PLEKHG1: variants seen among roughly 807,000 people sequenced by gnomAD.
PLEKHG1 encodes pleckstrin homology domain-containing family G member 1.
A neutral mutation model predicts 100.8 loss-of-function variants in PLEKHG1; 44 were observed. The ratio of observed to expected loss-of-function variants is 0.44; its 90% CI spans 0.34 to 0.56. PLEKHG1 has a LOEUF of 0.56. Among genes scored for constraint, PLEKHG1 ranks in the 20% least tolerant of loss-of-function variants. The pLI is 0.01. For missense variants in PLEKHG1, 1,545 were observed against 1,720.9 expected (o/e 0.90, Z 1.81); for synonymous variants, 640 against 662.5 (o/e 0.97, Z 0.52).
intron 3 of PLEKHG1, among the ~76,000 whole-genome samples, chr6:150,666,830 G>A (rs1433976847): frequency 2.0e-5 from 3 of 150,508 alleles, no homozygotes; most frequent in Non-Finnish European, 2.9e-5. Context: ...GCGCAATCTC[G>A]GCTCACTGCA....
chr6:150,756,279 G>A (rs185647145), intron 2 of PLEKHG1, among the ~76,000 whole-genome samples: 2 of 152,164 alleles, frequency 1.3e-5, no homozygotes, highest in East Asian at 3.9e-4. Context: ...CGGTGCCTCT[G>A]CCTGCTCCCC....
intron 4 of PLEKHG1, among the ~76,000 whole-genome samples, chr6:150,791,848 T>A (rs1786002695): frequency 1.3e-5 from 2 of 152,146 alleles, no homozygotes; most frequent in Non-Finnish European, 2.9e-5. Flanking sequence ...AACCATGCAG[T>A]AGGAATTTCA....
intron 14 of PLEKHG1, 124 bp from the exon 16 acceptor site, chr6:150,830,458 G>GA (rs1021115554): frequency 4.2e-6 from 3 of 708,696 alleles, no homozygotes; most frequent in Non-Finnish European, 2.3e-6. Flanking sequence ...CCCTATCTCA[G>GA]AAAAAAATAA....
intron 5 of PLEKHG1, among the ~76,000 whole-genome samples, chr6:150,799,054 TAA>T (rs80085174): frequency 1.4e-5 from 2 of 144,998 alleles, no homozygotes; most frequent in Non-Finnish European, 3.0e-5. Flanking sequence ...AAGTTGTCTT[TAA>T]AAAAAAAAAA....
intron 1 of PLEKHG1, among the ~76,000 whole-genome samples, chr6:150,733,125 G>A (rs1782358293): frequency 6.6e-6 from 1 of 152,190 alleles, no homozygotes; most frequent in Non-Finnish European, 1.5e-5. Flanking sequence ...AAATTCCGTA[G>A]GAATCACGTC....
intron 3 of PLEKHG1, among the ~76,000 whole-genome samples, chr6:150,711,135 G>A (rs1392254491): frequency 6.6e-6 from 1 of 152,128 alleles, no homozygotes; most frequent in Non-Finnish European, 1.5e-5. Flanking sequence ...ATAGTAAGTT[G>A]GCATGAGGAC....
chr6:150,779,344 G>GTTAGTTTTTTTTTTTT (rs1554272274), intron 3 of PLEKHG1, among the ~76,000 whole-genome samples: 9 of 104,532 alleles, frequency 8.6e-5, no homozygotes, highest in African/African-American at 3.9e-4. Flanking sequence ...TTGTCAAGAA[G>GTTAGTTTTTTTTTTTT]TTTTTTTTTT....
At chr6:150,719,747 A>G (rs1384549104), upstream of PLEKHG1, among the ~76,000 whole-genome samples, 1 of 152,198 alleles carries the variant, frequency 6.6e-6, no homozygotes. Flanking sequence ...TGGAGGCCAG[A>G]ATAGAGGATG....
chr6:150,632,482 T>G (rs2128562308), intron 1 of PLEKHG1, among the ~76,000 whole-genome samples: 1 of 152,382 alleles, frequency 6.6e-6, no homozygotes, highest in South Asian at 2.1e-4. Context: ...GCCTGGGCCT[T>G]GGTCCTGGGC....
At chr6:150,613,883 C>T (rs1776954232) in intron 1 of PLEKHG1, among the ~76,000 whole-genome samples, 2 of 152,194 alleles carry the variant, frequency 1.3e-5, no homozygotes, top group South Asian at 4.1e-4. Context: ...TGCGTTTTTT[C>T]TCGTTTATCC....
At chr6:150,618,132 TTA>T (rs773487568) in intron 1 of PLEKHG1, among the ~76,000 whole-genome samples, 9 of 152,260 alleles carry the variant, frequency 5.9e-5, no homozygotes, top group Non-Finnish European at 1.2e-4. Flanking sequence ...TGCAAACTTT[TTA>T]TGTTAGTAAC....
At chr6:150,667,185 A>G (rs1779435066) in intron 3 of PLEKHG1, among the ~76,000 whole-genome samples, 1 of 152,152 alleles carries the variant, frequency 6.6e-6, no homozygotes, top group Admixed American at 6.5e-5. Context: ...AACATATATT[A>G]GGGTTGGGTC....
At chr6:150,766,605 A>G (rs962082191) in intron 2 of PLEKHG1, among the ~76,000 whole-genome samples, 1 of 152,238 alleles carries the variant, frequency 6.6e-6, no homozygotes, top group African/African-American at 2.4e-5. Context: ...TGTTTTCTCA[A>G]TAATTTCTGA....
At chr6:150,652,360 G>T (rs1297054834) in intron 3 of PLEKHG1, among the ~76,000 whole-genome samples, 1 of 152,186 alleles carries the variant, frequency 6.6e-6, no homozygotes, top group Non-Finnish European at 1.5e-5. Flanking sequence ...ATGCTTATTA[G>T]AGTGTTAGGA....
intron 7 of PLEKHG1, among the ~76,000 whole-genome samples, chr6:150,807,498 T>C (rs1392762064): frequency 6.6e-6 from 1 of 152,236 alleles, no homozygotes; most frequent in Non-Finnish European, 1.5e-5. Flanking sequence ...TGCTTGTGAA[T>C]ATTTTCATTT....
At chr6:150,654,936 G>A (rs1778906416) in intron 3 of PLEKHG1, among the ~76,000 whole-genome samples, 1 of 152,372 alleles carries the variant, frequency 6.6e-6, no homozygotes, top group East Asian at 1.9e-4. Context: ...TCACTGAAGT[G>A]CTTTCCTTCA....
chr6:150,712,373 G>A (rs1321772239), intron 3 of PLEKHG1, among the ~76,000 whole-genome samples: 3 of 152,106 alleles, frequency 2.0e-5, no homozygotes, highest in African/African-American at 7.2e-5. Flanking sequence ...CTGGGGGTGT[G>A]GCAGGAACAA....
chr6:150,699,047 G>T (rs9383837), intron 3 of PLEKHG1, among the ~76,000 whole-genome samples: 1 of 151,968 alleles, frequency 6.6e-6, no homozygotes, highest in African/African-American at 2.4e-5. Flanking sequence ...ACGTCTTCAC[G>T]ACCGAAATAT....
intron 2 of PLEKHG1, among the ~76,000 whole-genome samples, chr6:150,745,578 G>A (rs1562482177): frequency 6.6e-6 from 1 of 151,980 alleles, no homozygotes; most frequent in Non-Finnish European, 1.5e-5. Flanking sequence ...AGCTACTCAG[G>A]AGGCTGAGGC....
Sources: gnomAD v4.1 joint callset for allele counts (sites outside exome capture counted in the v4.1 genomes callset) on GRCh38, gnomAD v4.1.1 for gene constraint, MANE v1.5 for transcripts, NCBI Gene and HGNC (gene_info 2026-07-23, HGNC 2026-07-21) for gene names.